KIAA1217: variants seen among roughly 807,000 people sequenced by gnomAD.
KIAA1217 encodes sickle tail protein homolog.
Under a neutral mutation model 163.9 loss-of-function variants are expected in KIAA1217, and 88 were observed. The observed-to-expected ratio is 0.54, with a 90% CI of 0.45 to 0.64. The LOEUF is 0.64. KIAA1217 is among the 30% of genes least tolerant of loss of function. The pLI is 0.00. For synonymous variants in KIAA1217, 903 were observed against 923.1 expected (o/e 0.98, Z 0.39); for missense variants, 2,372 against 2,475.0 (o/e 0.96, Z 0.88).
At chr10:24,484,174 T>G (rs1363406576) in intron 6 of KIAA1217, among the ~76,000 whole-genome samples, 1 of 146,166 alleles carries the variant, frequency 6.8e-6, no homozygotes, top group East Asian at 2.0e-4. Context: ...TGTATATATA[T>G]ATAGATATAC....
At chr10:24,423,019 C>T (rs1461627318) in intron 3 of KIAA1217, among the ~76,000 whole-genome samples, 1 of 150,460 alleles carries the variant, frequency 6.6e-6, no homozygotes, top group East Asian at 2.0e-4. Flanking sequence ...ATTCTCCCAC[C>T]TAAGCCTCCA....
At chr10:24,257,148 A>G (rs903173892) in intron 2 of KIAA1217, among the ~76,000 whole-genome samples, 1 of 152,210 alleles carries the variant, frequency 6.6e-6, no homozygotes, top group Non-Finnish European at 1.5e-5. Flanking sequence ...TGACTTCTAC[A>G]TGGAGACTTC....
At chr10:24,521,017 C>G (rs1326964260) in intron 11 of KIAA1217, among the ~76,000 whole-genome samples, 1 of 148,306 alleles carries the variant, frequency 6.7e-6, no homozygotes, top group Non-Finnish European at 1.5e-5. Flanking sequence ...CATAACAAAA[C>G]CCCATCTCTA....
intron 1 of KIAA1217, among the ~76,000 whole-genome samples, chr10:23,780,470 A>T (rs1835206375): frequency 6.6e-6 from 1 of 151,930 alleles, no homozygotes; most frequent in Non-Finnish European, 1.5e-5. Context: ...TTGCTTTTAG[A>T]TTTTGTATAT....
intron 1 of KIAA1217, among the ~76,000 whole-genome samples, chr10:23,953,543 C>T (rs573364577): frequency 3.3e-4 from 50 of 152,328 alleles, no homozygotes; most frequent in African/African-American, 1.2e-3. Context: ...GTGTAGTCTT[C>T]CCCTGTTGCC....
chr10:24,309,350 GCACACA>G (rs760597469), intron 2 of KIAA1217, among the ~76,000 whole-genome samples: 157 of 132,342 alleles, frequency 1.2e-3, no homozygotes, highest in East Asian at 5.1e-3. Context: ...ACGCGCGCGC[GCACACA>G]CACACACACA....
chr10:23,754,089 A>G (rs986217712), intron 1 of KIAA1217, among the ~76,000 whole-genome samples: 1 of 152,186 alleles, frequency 6.6e-6, no homozygotes, highest in Non-Finnish European at 1.5e-5. Flanking sequence ...GGTATCTGCC[A>G]GGCTGAGCTG....
chr10:23,731,598 A>C (rs1393123729), intron 1 of KIAA1217, among the ~76,000 whole-genome samples: 4 of 152,144 alleles, frequency 2.6e-5, no homozygotes, highest in Non-Finnish European at 5.9e-5. Flanking sequence ...CCGGTTAGGG[A>C]GGGAGGGGGT....
At chr10:23,822,465 C>T (rs1837666303) in intron 1 of KIAA1217, among the ~76,000 whole-genome samples, 1 of 152,130 alleles carries the variant, frequency 6.6e-6, no homozygotes, top group Non-Finnish European at 1.5e-5. Flanking sequence ...AATTTTTTGA[C>T]TTGTGGAAAA....
chr10:24,520,075 G>A, intron 10 of KIAA1217, 48 bp from the exon 11 acceptor site: 2 of 1,568,366 alleles, frequency 1.3e-6, no homozygotes, highest in Middle Eastern at 2.2e-4. Flanking sequence ...CTCTTCCTCT[G>A]TGAGGCCTCG....
intron 2 of KIAA1217, among the ~76,000 whole-genome samples, chr10:24,279,022 G>C (rs2077607857): frequency 6.6e-6 from 1 of 151,636 alleles, no homozygotes; most frequent in African/African-American, 2.4e-5. Context: ...ACTAATTTTT[G>C]TATTTATAGT....
chr10:23,779,936 G>T (rs1036896373), intron 1 of KIAA1217, among the ~76,000 whole-genome samples: 10 of 152,106 alleles, frequency 6.6e-5, no homozygotes, highest in Non-Finnish European at 1.5e-5. Flanking sequence ...GGCAGTACAG[G>T]TTTGTAGTCT....
chr10:23,798,915 C>A (rs1047214179), intron 1 of KIAA1217, among the ~76,000 whole-genome samples: 12 of 152,206 alleles, frequency 7.9e-5, no homozygotes, highest in African/African-American at 2.9e-4. Context: ...AACAGAGTGT[C>A]TCAAACAACA....
At chr10:24,226,376 C>T (rs2070534421) in intron 2 of KIAA1217, among the ~76,000 whole-genome samples, 1 of 151,980 alleles carries the variant, frequency 6.6e-6, no homozygotes, top group Admixed American at 6.6e-5. Flanking sequence ...CCTGCAGTCC[C>T]AACACTTTGG....
chr10:24,197,760 T>C (rs977525370), intron 2 of KIAA1217, among the ~76,000 whole-genome samples: 2 of 152,264 alleles, frequency 1.3e-5, no homozygotes, highest in African/African-American at 2.4e-5. Context: ...CCTGCTTCTC[T>C]CAAATCCATT....
chr10:23,863,802 C>T (rs1276238068), intron 1 of KIAA1217, among the ~76,000 whole-genome samples: 1 of 152,108 alleles, frequency 6.6e-6, no homozygotes, highest in Non-Finnish European at 1.5e-5. Flanking sequence ...ACTGCCATGG[C>T]CTCTTCCTTC....
At chr10:24,248,958 T>A (rs1237502798) in intron 2 of KIAA1217, among the ~76,000 whole-genome samples, 2 of 152,208 alleles carry the variant, frequency 1.3e-5, no homozygotes, top group Non-Finnish European at 2.9e-5. Flanking sequence ...CACTACTTTT[T>A]ATATTCTCAA....
intron 2 of KIAA1217, among the ~76,000 whole-genome samples, chr10:24,137,957 T>C (rs2063897196): frequency 6.6e-6 from 1 of 152,132 alleles, no homozygotes; most frequent in South Asian, 2.1e-4. Flanking sequence ...TTGTTTTTCT[T>C]TAACTTATTT....
chr10:23,851,573 C>T (rs1437832887), intron 1 of KIAA1217, among the ~76,000 whole-genome samples: 1 of 152,068 alleles, frequency 6.6e-6, no homozygotes, highest in Non-Finnish European at 1.5e-5. Flanking sequence ...TTCTAGATCC[C>T]TGAGGAATCG....
Sources: gnomAD v4.1 joint callset for allele counts (sites outside exome capture counted in the v4.1 genomes callset) on GRCh38, gnomAD v4.1.1 for gene constraint, MANE v1.5 for transcripts, NCBI Gene and HGNC (gene_info 2026-07-23, HGNC 2026-07-21) for gene names.